ARSF: variants seen among roughly 807,000 people sequenced by gnomAD.
ARSF encodes arylsulfatase F.
A neutral mutation model predicts 35.4 loss-of-function variants in ARSF; 33 were observed. The ratio of observed to expected loss-of-function variants is 0.93; its 90% CI spans 0.71 to 1.25. The LOEUF is 1.25. Among genes scored for constraint, ARSF ranks in the 50% most tolerant of loss-of-function variants. ARSF has a pLI of 0.00. For missense variants in ARSF, 501 were observed against 480.2 expected (o/e 1.04, Z -0.40); for synonymous variants, 222 against 193.1 (o/e 1.15, Z -1.24).
chrX:3,062,265 A>G (rs2090045151), intron 1 of ARSF, among the ~76,000 whole-genome samples: 1 of 112,348 alleles, frequency 8.9e-6, no homozygotes, highest in African/African-American at 3.2e-5. Flanking sequence ...GAGAACAAAG[A>G]CACAACATAC....
At chrX:3,073,077 A>G (rs1359469197) in intron 3 of ARSF, among the ~76,000 whole-genome samples, 2 of 100,094 alleles carry the variant, frequency 2.0e-5, no homozygotes, top group East Asian at 5.9e-4. Context: ...ATAAACATAT[A>G]TTTATATATT....
At chrX:3,051,800 C>T (rs2089997973) in intron 1 of ARSF, among the ~76,000 whole-genome samples, 1 of 111,188 alleles carries the variant, frequency 9.0e-6, no homozygotes, top group Admixed American at 9.7e-5. Context: ...CAAGACCAGC[C>T]TGGGCAGCAT....
upstream of ARSF, among the ~76,000 whole-genome samples, chrX:3,040,852 A>G (rs1229633857): frequency 5.4e-5 from 6 of 111,260 alleles, no homozygotes; most frequent in Non-Finnish European, 1.9e-5. Flanking sequence ...CAGACACGTG[A>G]AAGGGTAGAA....
chrX:3,045,874 GTTTGT>G (rs771948052), intron 1 of ARSF, among the ~76,000 whole-genome samples: 6 of 107,677 alleles, frequency 5.6e-5, no homozygotes, highest in Admixed American at 3.0e-4. Context: ...TGTTTTTTTT[GTTTGT>G]TTTGTTTTGT....
intron 1 of ARSF, among the ~76,000 whole-genome samples, chrX:3,052,451 C>A (rs2090000552): frequency 8.9e-6 from 1 of 111,797 alleles, no homozygotes; most frequent in Non-Finnish European, 1.9e-5. Context: ...GTGTAATTTT[C>A]TTCTATTACC....
In ARSF at chrX:3,076,550, C is replaced by T. The variant is rs201726785; in HGVS notation, c.164C>T (p.Thr55Met). The T allele has an allele frequency of 1.3e-4, 161 of 1,199,623 alleles. No homozygotes were observed. Among genetic ancestry groups the T allele is most frequent in the Non-Finnish European group, 1.8e-4 (158 of 890,720 alleles). Residue 55 changes from threonine to methionine, a missense_variant and splice_region_variant, in exon 4 of 11, where the codon ACG becomes ATG. Thr to Met is a moderately conservative substitution (Grantham distance 81). Transcript: ENST00000381127. Reference sequence around the variant, plus strand: ...ACACCTTCCCTCTCCCCCTTCAGGACGCCTCACATCGACCGCCTTGCCAGG... The same window carrying T: ...ACACCTTCCCTCTCCCCCTTCAGGATGCCTCACATCGACCGCCTTGCCAGG... ...LGCYGNDTMR[T>M]PHIDRLAREG...
chrX:3,053,375 G>C (rs1467703947), intron 1 of ARSF, among the ~76,000 whole-genome samples: 2 of 102,903 alleles, frequency 1.9e-5, no homozygotes, highest in Non-Finnish European at 4.0e-5. Flanking sequence ...GTTGCCCGGG[G>C]TGAAGTACAG....
chrX:3,062,452 C>T (rs1361133852), intron 1 of ARSF, among the ~76,000 whole-genome samples: 2 of 111,386 alleles, frequency 1.8e-5, no homozygotes, highest in Admixed American at 9.7e-5. Context: ...TAACTAAGAT[C>T]AGGGCAGAGC....
At chrX:3,076,693 T>A in intron 4 of ARSF, 24 bp downstream of exon 4, 1 of 1,205,879 alleles carries the variant, frequency 8.3e-7, no homozygotes, top group Non-Finnish European at 1.1e-6. Flanking sequence ...CGGGCTCTGC[T>A]GGGCTCTGCC....
At chrX:3,047,774 G>A (rs1189433709) in intron 1 of ARSF, among the ~76,000 whole-genome samples, 5 of 110,496 alleles carry the variant, frequency 4.5e-5, no homozygotes, top group Non-Finnish European at 9.4e-5. Context: ...AATGATGACC[G>A]GGATATTCAC....
intron 1 of ARSF, among the ~76,000 whole-genome samples, chrX:3,051,439 T>A (rs1831497759): frequency 1.8e-5 from 2 of 111,901 alleles, no homozygotes; most frequent in South Asian, 7.4e-4. Context: ...ACTCTTGCTA[T>A]GGGATGTTAA....
At chrX:3,111,429 G>T (rs1049729468) in intron 10 of ARSF, among the ~76,000 whole-genome samples, 3 of 111,556 alleles carry the variant, frequency 2.7e-5, no homozygotes, top group African/African-American at 9.8e-5. Context: ...ATAGTGATCA[G>T]ATTAGAATAA....
intron 5 of ARSF, among the ~76,000 whole-genome samples, chrX:3,082,517 GTATC>G (rs937277958): frequency 2.7e-5 from 3 of 110,715 alleles, no homozygotes; most frequent in African/African-American, 9.9e-5. Flanking sequence ...CATCTATCAT[GTATC>G]TATCTATCCA....
intron 1 of ARSF, among the ~76,000 whole-genome samples, chrX:3,063,143 G>A (rs2090049153): frequency 8.9e-6 from 1 of 111,757 alleles, no homozygotes; most frequent in Admixed American, 9.6e-5. Context: ...TGCAAGGCTG[G>A]TTCAACATAT....
intron 7 of ARSF, among the ~76,000 whole-genome samples, chrX:3,094,142 C>T (rs2090323063): frequency 8.9e-6 from 1 of 111,864 alleles, no homozygotes; most frequent in African/African-American, 3.2e-5. Flanking sequence ...ATCCCCACAA[C>T]ATCCCCGGAG....
chrX:3,091,230 TAGAA>T (rs2090287444), intron 7 of ARSF, among the ~76,000 whole-genome samples: 1 of 111,957 alleles, frequency 8.9e-6, no homozygotes, highest in Non-Finnish European at 1.9e-5. Flanking sequence ...ATCTTTTTGA[TAGAA>T]AGAGAAATCA....
At position 3,084,474 on chromosome X, in the gene ARSF, C is replaced by T; in HGVS notation, c.638C>T (p.Ser213Phe). 1 of 1,211,611 alleles carries T rather than the reference C, an allele frequency of 8.3e-7. No homozygotes were observed. The highest frequency in any genetic ancestry group is 1.1e-6 in the Non-Finnish European group (1 of 895,546). The change falls in exon 6 of 11, where the codon TCT becomes TTT. Residue 213 changes from serine (S) to phenylalanine (F), a missense_variant. Ser to Phe is a radical substitution (Grantham distance 155). Coordinates refer to ENST00000381127, the MANE Select transcript of ARSF (RefSeq NM_001201539.2). ...TTTGGGAAGCTGAGCGGCTGGGTCT[C>T]TGTTCCCTGGCTCCTGATCTTCTCC... Reference protein sequence around the residue: ...LTFGKLSGWVSVPWLLIFSMI... With the variant: ...LTFGKLSGWVFVPWLLIFSMI...
intron 2 of ARSF, among the ~76,000 whole-genome samples, 186 bp from the exon 3 acceptor site, chrX:3,071,840 C>G (rs1465790127): frequency 9.0e-6 from 1 of 111,495 alleles, no homozygotes; most frequent in African/African-American, 3.3e-5. Context: ...TAACGCATTA[C>G]GTTGGGCACT....
chrX:3,048,724 G>A (rs896988333), intron 1 of ARSF, among the ~76,000 whole-genome samples: 8 of 112,235 alleles, frequency 7.1e-5, no homozygotes, highest in Non-Finnish European at 1.1e-4. Context: ...ACAGGTGCAC[G>A]TTCTCAACCT....
Sources: allele counts gnomAD v4.1 joint callset (sites outside exome capture counted in the v4.1 genomes callset), GRCh38; gene constraint gnomAD v4.1.1; transcripts MANE v1.5; gene names NCBI Gene and HGNC (gene_info 2026-07-23, HGNC 2026-07-21).